The following PRDM2 variants were observed in gnomAD, a reference collection of about 807,000 sequenced individuals.
The protein encoded by PRDM2 is PR/SET domain 2, also known as PR domain zinc finger protein 2.
In PRDM2, 30 loss-of-function variants were observed where a neutral mutation model predicts 130.0. The observed-to-expected ratio is 0.23, with a 90% CI of 0.17 to 0.31. The LOEUF (loss-of-function observed/expected upper bound fraction) is 0.31, where lower values mean the gene tolerates loss of function less well. PRDM2 is among the 10% of genes least tolerant of loss of function. PRDM2 has a pLI of 1.00. For missense variants in PRDM2, 2,011 were observed against 2,108.4 expected, an observed-to-expected ratio of 0.95 and a Z score of 0.90; for synonymous variants, 871 against 782.4, an observed-to-expected ratio of 1.11 and a Z score of -1.89.
intron 8 of PRDM2, among the ~76,000 whole-genome samples, chr1:13,796,441 A>G (rs962379629): frequency 6.6e-6 from 1 of 152,200 alleles, no homozygotes; most frequent in Non-Finnish European, 1.5e-5. Flanking sequence ...GGATTTGTGG[A>G]CATGGTTTGC....
At chr1:13,726,344 G>C (rs1381694398) in intron 2 of PRDM2, among the ~76,000 whole-genome samples, 1 of 152,230 alleles carries the variant, frequency 6.6e-6, no homozygotes, top group Admixed American at 6.5e-5. Flanking sequence ...CAGGAAAGCA[G>C]TAGAAGGGCC....
intron 8 of PRDM2, among the ~76,000 whole-genome samples, chr1:13,801,365 A>C (rs1455907976): frequency 6.6e-6 from 1 of 152,234 alleles, no homozygotes; most frequent in Non-Finnish European, 1.5e-5. Flanking sequence ...TGGCTATCAG[A>C]TAACTAAGGG....
chr1:13,802,666 C>A (rs534748864), intron 8 of PRDM2, among the ~76,000 whole-genome samples: 1 of 152,142 alleles, frequency 6.6e-6, no homozygotes, highest in African/African-American at 2.4e-5. Context: ...GCTTTAGTGT[C>A]CTTACAGAAT....
Position 13,824,412 on chromosome 1 carries a change from G to A in PRDM2, c.*1277G>A, listed in dbSNP as rs1409506538. 1 of 152,378 alleles carries A rather than the reference G, an allele frequency of 6.6e-6. No homozygotes were observed. The highest frequency in any genetic ancestry group is 2.4e-5 in the African/African-American group (1 of 41,518). 9.4% of individuals were successfully genotyped at this position (152,378 alleles called of 1,614,324 possible). A position where few individuals can be genotyped will look rare whatever the true frequency, so the allele number is the denominator to read the frequency against. On this transcript the variant is annotated 3_prime_UTR_variant, in exon 10 of 10. Coordinates refer to ENST00000311066, the MANE Select transcript of PRDM2 (RefSeq NM_001393986.1). ...TGTATGTAGACACTTTTAAAAGCAC[G>A]TATTTATGTCCCTGACTGTAAATGC...
At chr1:13,773,925 T>G (rs1382679171) in intron 7 of PRDM2, among the ~76,000 whole-genome samples, 3 of 152,200 alleles carry the variant, frequency 2.0e-5, no homozygotes, top group Admixed American at 2.0e-4. Flanking sequence ...TTTGTACACT[T>G]TAATACATGT....
chr1:13,747,769 CAAA>C (rs78988090), intron 5 of PRDM2, among the ~76,000 whole-genome samples: 1 of 48,390 alleles, frequency 2.1e-5, no homozygotes, highest in Non-Finnish European at 4.6e-5. Context: ...TCCCTCCCCG[CAAA>C]AAAAAAAAAA....
intron 4 of PRDM2, among the ~76,000 whole-genome samples, chr1:13,739,196 G>A (rs1265073957): frequency 6.6e-6 from 1 of 151,778 alleles, no homozygotes; most frequent in Non-Finnish European, 1.5e-5. Flanking sequence ...TCTGGCACCC[G>A]CCACCACGCC....
At chr1:13,760,566 C>T (rs989236972) in intron 6 of PRDM2, among the ~76,000 whole-genome samples, 1 of 152,166 alleles carries the variant, frequency 6.6e-6, no homozygotes, top group East Asian at 1.9e-4. Flanking sequence ...TATTGTGATA[C>T]ACCAGAACAT....
rs371889730 is a variant in PRDM2 at position 13,782,211 on chromosome 1, A to G, written c.4416A>G (p.Lys1472=). 3 of 1,613,642 alleles carry G rather than the reference A, an allele frequency of 1.9e-6. No homozygotes were observed. The Admixed American group carries it at 5.0e-5, about 27-fold the overall frequency. ...REFTYIGSLN[K]HAAFSCPKKP... ...TCACTTACATTGGAAGCCTGAATAA[A>G]CACGCCGCCTTCAGCTGTCCCAAAA... Residue 1472 remains lysine, a synonymous_variant, in exon 8 of 10, where the codon AAA becomes AAG. Coordinates refer to ENST00000311066, the MANE Select transcript of PRDM2 (RefSeq NM_001393986.1).
At chr1:13,739,270 A>G (rs901252621) in intron 4 of PRDM2, among the ~76,000 whole-genome samples, 4 of 152,122 alleles carry the variant, frequency 2.6e-5, no homozygotes, top group Middle Eastern at 3.4e-3. Flanking sequence ...GATGGTCTCA[A>G]TCTCCTGACC....
At chr1:13,800,904 C>A in intron 8 of PRDM2, among the ~76,000 whole-genome samples, 1 of 152,132 alleles carries the variant, frequency 6.6e-6, no homozygotes, top group East Asian at 1.9e-4. Context: ...CCCAGCTATA[C>A]GAAGTTGGCG....
At chr1:13,773,373 A>G (rs1381490994) in intron 7 of PRDM2, 185 bp downstream of exon 7, 2 of 389,908 alleles carry the variant, frequency 5.1e-6, no homozygotes, top group Non-Finnish European at 9.4e-6. Flanking sequence ...CCTTCAAACA[A>G]TTGTGAAAGA....
chr1:13,772,341 T>C (rs1320209031), intron 6 of PRDM2: 2 of 152,274 alleles, frequency 1.3e-5, no homozygotes, highest in East Asian at 1.9e-4. Context: ...TTTAGTTCCG[T>C]TGTTCCAACT....
chr1:13,747,332 AAT>A (rs997399378), intron 5 of PRDM2, among the ~76,000 whole-genome samples: 1 of 152,258 alleles, frequency 6.6e-6, no homozygotes, highest in Non-Finnish European at 1.5e-5. Flanking sequence ...ATAACAAAAA[AAT>A]AGAGAAAGTA....
chr1:13,780,518 A>C lies in PRDM2; in HGVS notation c.2723A>C (p.Asp908Ala). 6.2e-7 allele frequency: 1 copy of C among 1,614,210 alleles called. No homozygotes were observed. Among genetic ancestry groups the C allele is most frequent in the Non-Finnish European group, 8.5e-7 (1 of 1,180,044 alleles). The change falls in exon 8 of 10, where the codon GAT (aspartate) becomes GCT (alanine). Residue 908 changes from aspartate to alanine, a missense_variant. Physicochemically the swap from Asp to Ala is moderately radical, Grantham distance 126 (BLOSUM62 -2). Transcript: ENST00000311066. ...GIDLPVENPA[D>A]GTRSPSPCKS... ...GATTTACCTGTAGAAAACCCTGCAGATGGGACCAGGAGCCCAAGTCCTTGT... is the reference window on the plus strand; with the variant it reads ...GATTTACCTGTAGAAAACCCTGCAGCTGGGACCAGGAGCCCAAGTCCTTGT...
At chr1:13,741,720 T>TTGTGTGTGTGTG (rs200384633) in intron 4 of PRDM2, among the ~76,000 whole-genome samples, 4,179 of 112,504 alleles carry the variant, frequency 0.037, 258 homozygotes, top group African/African-American at 0.065. Flanking sequence ...CTCTTTAAGT[T>TTGTGTGTGTGTG]TGTGTGTGTG....
At chr1:13,705,652 T>C (rs1642185897) in intron 1 of PRDM2, 1 of 152,182 alleles carries the variant, frequency 6.6e-6, no homozygotes, top group African/African-American at 2.4e-5. Flanking sequence ...TGAGGTACTT[T>C]TCCCGGGAAG....
intron 1 of PRDM2, among the ~76,000 whole-genome samples, chr1:13,715,028 A>G (rs1434367676): frequency 1.3e-5 from 2 of 152,202 alleles, no homozygotes; most frequent in Non-Finnish European, 2.9e-5. Flanking sequence ...TTATTAAAAC[A>G]TTTGCATTTT....
intron 6 of PRDM2, among the ~76,000 whole-genome samples, chr1:13,757,309 G>C (rs1466616060): frequency 6.6e-6 from 1 of 152,124 alleles, no homozygotes; most frequent in African/African-American, 2.4e-5. Flanking sequence ...ATATTTGTTG[G>C]TTTAAGTTTC....
Sources: gnomAD v4.1 joint callset for allele counts (sites outside exome capture counted in the v4.1 genomes callset) on GRCh38, gnomAD v4.1.1 for gene constraint, MANE v1.5 for transcripts, NCBI Gene and HGNC (gene_info 2026-07-23, HGNC 2026-07-21) for gene names.